The following TPCN1 variants were observed in gnomAD, a reference collection of about 807,000 sequenced individuals.
TPCN1 encodes two pore segment channel 1, also known as two pore channel protein 1.
Under a neutral mutation model 108.8 loss-of-function variants are expected in TPCN1, and 52 were observed. The observed-to-expected ratio is 0.48, with a 90% CI of 0.38 to 0.60. The LOEUF (loss-of-function observed/expected upper bound fraction) is 0.60, where lower values mean the gene tolerates loss of function less well. TPCN1 is among the 20% of genes least tolerant of loss of function. The pLI is 0.00. For synonymous variants in TPCN1, 446 were observed against 433.7 expected (o/e 1.03, Z -0.35); for missense variants, 806 against 1,072.8 (o/e 0.75, Z 3.47).
intron 15 of TPCN1, among the ~76,000 whole-genome samples, chr12:113,282,052 C>G (rs1955903753): frequency 6.7e-6 from 1 of 148,610 alleles, no homozygotes; most frequent in African/African-American, 2.5e-5. Context: ...TCCCAAGTAG[C>G]TGGGATTACA....
chr12:113,285,386 T>C (rs1294185441), intron 17 of TPCN1, among the ~76,000 whole-genome samples: 9 of 152,248 alleles, frequency 5.9e-5, no homozygotes, highest in Admixed American at 5.2e-4. Flanking sequence ...TCTCTCTTTT[T>C]TTGGGGCAGG....
Position 113,273,272 on chromosome 12 carries a change from T to C in TPCN1, c.824T>C (p.Val275Ala), listed in dbSNP as rs1246962015. Residue 275 changes from valine to alanine, a missense_variant, in exon 9 of 28, where the codon GTC (valine) becomes GCC (alanine). By Grantham distance (64) the Val-to-Ala change is moderately conservative (BLOSUM62 0). Transcript: ENST00000335509. This position sits in a 1 kb window ranked among gnomAD's most constrained non-coding sequence, Gnocchi z 4.0. ...GAGAACAGCATCGTCAGTCTGTTTG[T>C]CCTTCTGACCACAGCCAAGTAAGTG... ...TLENSIVSLF[V>A]LLTTANFPDV... The C allele has an allele frequency of 8.7e-6, 14 of 1,614,252 alleles. No individual in the cohort carries two copies. The highest frequency in any genetic ancestry group is 9.3e-6 in the Non-Finnish European group (11 of 1,180,044).
intron 2 of TPCN1, among the ~76,000 whole-genome samples, chr12:113,255,311 T>A (rs936119730): frequency 1.3e-5 from 2 of 152,194 alleles, no homozygotes; most frequent in African/African-American, 4.8e-5. Flanking sequence ...ATCGGAAATA[T>A]AAAAGACTTA....
intron 2 of TPCN1, chr12:113,246,046 T>TA (rs1266528449): frequency 4.4e-6 from 2 of 456,136 alleles, no homozygotes; most frequent in Admixed American, 4.7e-5. Context: ...GTGGGAGTGT[T>TA]ACCGTGTGTG....
chr12:113,291,294 T>C (rs1389640911), intron 23 of TPCN1, among the ~76,000 whole-genome samples: 1 of 152,222 alleles, frequency 6.6e-6, no homozygotes, highest in East Asian at 1.9e-4. Flanking sequence ...GAGATGACTT[T>C]TCCCTCTAGT....
Position 113,291,049 on chromosome 12 carries a change from G to T in TPCN1, c.1959+51G>T, listed in dbSNP as rs749917107. The T allele has an allele frequency of 3.2e-6, 5 of 1,552,392 alleles. No individual in the cohort carries two copies. In the East Asian group the frequency reaches 1.1e-4, roughly 35 times the overall value. On this transcript the variant is annotated intron_variant, in intron 23 of 27. Coordinates refer to ENST00000335509, the MANE Select transcript of TPCN1 (RefSeq NM_017901.6). ...TATCTTCCCGCCAGCCCTGGGGTCG[G>T]CCCTGGGTCTCCCCCAACCCAGAGT...
chr12:113,281,650 C>T (rs945471645), intron 15 of TPCN1, among the ~76,000 whole-genome samples: 1 of 152,076 alleles, frequency 6.6e-6, no homozygotes, highest in South Asian at 2.1e-4. Context: ...TCCATCCTCC[C>T]ACCTCAGTCT....
intron 2 of TPCN1, among the ~76,000 whole-genome samples, chr12:113,248,448 G>C (rs984870689): frequency 6.6e-6 from 1 of 152,264 alleles, no homozygotes; most frequent in Admixed American, 6.5e-5. Context: ...CCTGTCAGGT[G>C]GTGACAGCCC....
At chr12:113,234,622 GT>G (rs1239512234) in intron 2 of TPCN1, among the ~76,000 whole-genome samples, 4 of 152,160 alleles carry the variant, frequency 2.6e-5, no homozygotes, top group Admixed American at 2.6e-4. Flanking sequence ...CTTGTAAAAA[GT>G]GCAGTTCTTT....
chr12:113,291,433 A>T, intron 23 of TPCN1, 176 bp from the exon 24 acceptor site: 1 of 626,146 alleles, frequency 1.6e-6, no homozygotes, highest in Non-Finnish European at 2.8e-6. Context: ...GGGCTCCTTC[A>T]GCAGTCAGGA....
At chr12:113,260,333 G>T in intron 2 of TPCN1, 35 bp from the exon 3 acceptor site, 1 of 1,472,066 alleles carries the variant, frequency 6.8e-7, no homozygotes, top group South Asian at 1.4e-5. Context: ...CTTAAGCCTG[G>T]GTGCCAAGTG....
rs573941102 is a variant in TPCN1 at position 113,280,895 on chromosome 12, C to T, written c.1342+700C>T. Among the ~76,000 whole-genome samples the T allele has an allele frequency of 4.6e-5, 7 of 152,198 alleles. No individual in the cohort carries two copies. In the South Asian group the frequency reaches 1.5e-3, roughly 32 times the overall value. On this transcript the variant is annotated intron_variant, in intron 15 of 27. Coordinates refer to ENST00000335509, the MANE Select transcript of TPCN1 (RefSeq NM_017901.6). Reference sequence around the variant, plus strand: ...TCATTGCTTGGGTTGGTCATTGTTTCTAGGCCTTTCCATGGACAGAACTAG... The same window carrying T: ...TCATTGCTTGGGTTGGTCATTGTTTTTAGGCCTTTCCATGGACAGAACTAG...
chr12:113,222,084 CG>C (rs943745469), intron 1 of TPCN1, among the ~76,000 whole-genome samples: 2 of 152,122 alleles, frequency 1.3e-5, no homozygotes, highest in Admixed American at 6.5e-5. Flanking sequence ...GCAAAGCCCG[CG>C]GAGGGAACAC....
intron 1 of TPCN1, among the ~76,000 whole-genome samples, chr12:113,222,383 T>C (rs1953274906): frequency 1.3e-5 from 2 of 152,250 alleles, no homozygotes; most frequent in Admixed American, 1.3e-4. Flanking sequence ...GATAGGATTT[T>C]TCAACAGCAG....
intron 4 of TPCN1, 59 bp from the exon 5 acceptor site, chr12:113,267,779 GGGCAA>G: frequency 8.8e-7 from 1 of 1,133,392 alleles, no homozygotes; most frequent in Admixed American, 1.7e-5. Context: ...TGGGAGGGTT[GGGCAA>G]AGAGGAGTGG....
At position 113,289,646 on chromosome 12, in the gene TPCN1, G is replaced by A. The variant is rs1446617249; in HGVS notation, c.1797-482G>A. 1.3e-5 allele frequency among the ~76,000 whole-genome samples: 2 copies of A among 152,242 alleles called. No individual in the cohort carries two copies. Among genetic ancestry groups the A allele is most frequent in the African/African-American group, 4.8e-5 (2 of 41,468 alleles). The stretch of plus-strand genomic sequence containing the variant: ...GGATATTAACAGAACAGCCATAAAA[G>A]ATTGGAAGGAAAGTGGCAAATAAGA... On this transcript the variant is annotated intron_variant, in intron 21 of 27. Transcript: ENST00000335509. This position sits in a 1 kb window ranked among gnomAD's most constrained non-coding sequence, Gnocchi z 4.1.
chr12:113,288,041 G>T lies in TPCN1; in HGVS notation c.1635-122G>T. 1.1e-6 allele frequency: 1 copy of T among 930,524 alleles called. No homozygotes were observed. Among genetic ancestry groups the T allele is most frequent in the Non-Finnish European group, 1.6e-6 (1 of 608,838 alleles). The allele number at this position is 930,524 out of a possible 1,614,324, so 57.6% of individuals were successfully genotyped here. ...GGCGCCCAAGGGAGTGGACGCAGGT[G>T]GAGGAGAGGCCCTCACCTGTCTTCA... is the stretch of plus-strand genomic sequence containing the variant. On this transcript the variant is annotated intron_variant, in intron 19 of 27. Coordinates refer to ENST00000335509, the MANE Select transcript of TPCN1 (RefSeq NM_017901.6). The surrounding 1 kb of genome is among the most constrained non-coding windows in gnomAD (Gnocchi z 4.8).
At chr12:113,230,902 C>G (rs1466930891) in intron 2 of TPCN1, among the ~76,000 whole-genome samples, 2 of 152,220 alleles carry the variant, frequency 1.3e-5, no homozygotes, top group Non-Finnish European at 2.9e-5. Context: ...AGGTGGGCAG[C>G]CTCCCTCCTG....
At chr12:113,251,996 C>T (rs1954653420) in intron 2 of TPCN1, among the ~76,000 whole-genome samples, 1 of 152,142 alleles carries the variant, frequency 6.6e-6, no homozygotes, top group African/African-American at 2.4e-5. Context: ...GAGACCTTTC[C>T]AGACCTGGTG....
Sources: gnomAD v4.1 joint callset for allele counts (sites outside exome capture counted in the v4.1 genomes callset) on GRCh38, gnomAD v4.1.1 for gene constraint, Gnocchi (gnomAD v3.1) non-coding constraint, MANE v1.5 for transcripts, NCBI Gene and HGNC (gene_info 2026-07-23, HGNC 2026-07-21) for gene names.